Variants in GRB10 observed in about 807,000 individuals in gnomAD.
GRB10 encodes the protein growth factor receptor-bound protein 10.
GRB10 carries 20 observed loss-of-function variants against 80.9 expected under a neutral mutation model. The observed-to-expected ratio is 0.25, with a 90% CI of 0.17 to 0.36. The LOEUF (loss-of-function observed/expected upper bound fraction) is 0.36. Ranked by LOEUF, GRB10 falls within the 10% of genes least tolerant of loss-of-function variation. The probability of loss-of-function intolerance (pLI) is 1.00; values close to 1 mark genes in which losing one functional copy is unlikely to be tolerated. For synonymous variants in GRB10, 291 were observed against 291.5 expected (o/e 1.00, Z 0.02); for missense variants, 548 against 747.7 (o/e 0.73, Z 3.12).
At chr7:50,722,762 C>T (rs933906354) in intron 4 of GRB10, among the ~76,000 whole-genome samples, 2 of 152,130 alleles carry the variant, frequency 1.3e-5, no homozygotes, top group African/African-American at 2.4e-5. Context: ...TATACCTGGC[C>T]TCCAAACACA....
chr7:50,725,307 C>T (rs1024099607), intron 4 of GRB10, among the ~76,000 whole-genome samples: 1 of 152,214 alleles, frequency 6.6e-6, no homozygotes, highest in Non-Finnish European at 1.5e-5. Flanking sequence ...GTAAGACTTG[C>T]CAGCTTCCCC....
intron 7 of GRB10, among the ~76,000 whole-genome samples, chr7:50,666,306 T>C (rs1034650499): frequency 1.8e-4 from 27 of 152,036 alleles, no homozygotes; most frequent in Non-Finnish European, 3.1e-4. Context: ...ACCCGGCCCG[T>C]TGTAGGGGCT....
chr7:50,602,899 T>G (rs951719435), intron 17 of GRB10, among the ~76,000 whole-genome samples: 1 of 151,104 alleles, frequency 6.6e-6, no homozygotes, highest in African/African-American at 2.4e-5. Context: ...TCCTTTAAAA[T>G]AGAAGAGGAG....
chr7:50,600,594 GGA>G (rs1272099102), intron 17 of GRB10, among the ~76,000 whole-genome samples: 3 of 152,122 alleles, frequency 2.0e-5, no homozygotes, highest in African/African-American at 7.2e-5. Flanking sequence ...AGGGAAGGAA[GGA>G]GAGAGGGGGG....
chr7:50,616,244 G>C lies in GRB10; in HGVS notation c.950C>G (p.Ser317Cys). Residue 317 changes from serine to cysteine, a missense_variant, in exon 11 of 19, where the codon TCT becomes TGT. Physicochemically the swap from Ser to Cys is moderately radical, Grantham distance 112. Coordinates refer to ENST00000401949, the MANE Select transcript of GRB10 (RefSeq NM_001350814.2). ...TCCCTTGGTGGAGCAATAAAGGCCA[G>C]ATCTCCGCAAACACACATACAGCTT... ...WKKLYVCLRR[S>C]GLYCSTKGTS... 1 of 1,614,192 alleles carries C rather than the reference G, an allele frequency of 6.2e-7. No individual in the cohort carries two copies. Among genetic ancestry groups the C allele is most frequent in the Non-Finnish European group, 8.5e-7 (1 of 1,180,034 alleles).
chr7:50,628,163 T>C (rs2053319227), intron 7 of GRB10, among the ~76,000 whole-genome samples: 1 of 152,216 alleles, frequency 6.6e-6, no homozygotes, highest in African/African-American at 2.4e-5. Context: ...CACAGGCAGC[T>C]GAGAGGCTGA....
chr7:50,615,229 T>C (rs1401037181), intron 11 of GRB10, among the ~76,000 whole-genome samples: 1 of 152,188 alleles, frequency 6.6e-6, no homozygotes, highest in African/African-American at 2.4e-5. Context: ...TGTCTGCCTT[T>C]GGTTTGTTGT....
At chr7:50,710,552 T>TTA (rs2065732374) in intron 4 of GRB10, among the ~76,000 whole-genome samples, 1 of 152,132 alleles carries the variant, frequency 6.6e-6, no homozygotes, top group Admixed American at 6.5e-5. Context: ...GGCAGTTTTC[T>TTA]TATCTAAAAC....
intron 3 of GRB10, among the ~76,000 whole-genome samples, chr7:50,741,563 A>AC (rs1406296681): frequency 1.7e-4 from 26 of 151,204 alleles, no homozygotes; most frequent in Non-Finnish European, 1.5e-4. Context: ...AAAAAAAAAA[A>AC]AAAAAAAAAA....
intron 7 of GRB10, among the ~76,000 whole-genome samples, chr7:50,627,250 C>G (rs547716882): frequency 2.6e-5 from 4 of 152,124 alleles, no homozygotes; most frequent in African/African-American, 9.7e-5. Flanking sequence ...ATACAGCACA[C>G]GGCTAAACCA....
At chr7:50,676,824 C>T (rs530628968) in intron 5 of GRB10, among the ~76,000 whole-genome samples, 1 of 152,138 alleles carries the variant, frequency 6.6e-6, no homozygotes, top group South Asian at 2.1e-4. Context: ...GTGGGTGGGA[C>T]AGTAGGAGCA....
At chr7:50,685,610 G>A (rs557521319) in intron 5 of GRB10, among the ~76,000 whole-genome samples, 2 of 152,244 alleles carry the variant, frequency 1.3e-5, no homozygotes, top group African/African-American at 4.8e-5. Flanking sequence ...AGTTCATGAC[G>A]CTCCCAGTTT....
At chr7:50,631,193 G>A (rs1038937452) in intron 7 of GRB10, among the ~76,000 whole-genome samples, 4 of 152,092 alleles carry the variant, frequency 2.6e-5, no homozygotes, top group Non-Finnish European at 4.4e-5. Context: ...ACAGGCTCAG[G>A]GAATCTCATG....
intron 4 of GRB10, among the ~76,000 whole-genome samples, chr7:50,709,004 T>C (rs2065460049): frequency 6.6e-6 from 1 of 152,122 alleles, no homozygotes; most frequent in South Asian, 2.1e-4. Context: ...GAGCCCTTAA[T>C]CACTATGCTC....
intron 7 of GRB10, among the ~76,000 whole-genome samples, chr7:50,655,517 A>C (rs890937743): frequency 6.6e-6 from 1 of 152,204 alleles, no homozygotes; most frequent in Non-Finnish European, 1.5e-5. Flanking sequence ...GAAATCAATA[A>C]ATCACATCTT....
chr7:50,627,057 GGTAAA>G (rs1055470285), intron 7 of GRB10, 79 bp from the exon 8 acceptor site: 1 of 1,462,888 alleles, frequency 6.8e-7, no homozygotes, highest in Non-Finnish European at 9.5e-7. Context: ...AAAGAAAACA[GGTAAA>G]GTAAAAATAG....
At chr7:50,616,663 C>T (rs963009962) in intron 10 of GRB10, among the ~76,000 whole-genome samples, 1 of 152,176 alleles carries the variant, frequency 6.6e-6, no homozygotes, top group Non-Finnish European at 1.5e-5. Flanking sequence ...AGTGCCATGA[C>T]CAAGTGATTG....
rs2077230484 is a variant in GRB10 at position 50,773,473 on chromosome 7, G to GAAGGGGAAGGGGAGAA, written c.-217+7153_-217+7154insTTCTCCCCTTCCCCTT. On this transcript the variant is annotated intron_variant, in intron 2 of 18. Coordinates refer to ENST00000401949, the MANE Select transcript of GRB10 (RefSeq NM_001350814.2). ...GAAGGGAGGGGAGGGGAAGGCAGGG[G>GAAGGGGAAGGGGAGAA]AGGGGAAGGCAGGGGAGGGGAGGGG... 1.4e-3 allele frequency among the ~76,000 whole-genome samples: 29 copies of GAAGGGGAAGGGGAGAA among 20,912 alleles called. 2 individuals are homozygous for GAAGGGGAAGGGGAGAA. The highest frequency in any genetic ancestry group is 2.4e-3 in the African/African-American group (27 of 11,168). 13.7% of individuals were successfully genotyped at this position (20,912 alleles called of 152,430 possible).
At chr7:50,611,231 C>T (rs1485907944) in intron 13 of GRB10, among the ~76,000 whole-genome samples, 1 of 152,064 alleles carries the variant, frequency 6.6e-6, no homozygotes, top group Non-Finnish European at 1.5e-5. Flanking sequence ...CAAATGTAGC[C>T]TTCTCTCTAT....
Sources: allele counts gnomAD v4.1 joint callset (sites outside exome capture counted in the v4.1 genomes callset), GRCh38; gene constraint gnomAD v4.1.1; transcripts MANE v1.5; gene names NCBI Gene and HGNC (gene_info 2026-07-23, HGNC 2026-07-21).